OTOA: variants seen among roughly 807,000 people sequenced by gnomAD.
OTOA encodes the protein otoancorin, also known as cancer/testis antigen 108.
Under a neutral mutation model 110.8 loss-of-function variants are expected in OTOA, and 70 were observed. The observed-to-expected ratio is 0.63, with a 90% CI of 0.52 to 0.77. The LOEUF (loss-of-function observed/expected upper bound fraction) is 0.77, where lower values mean the gene tolerates loss of function less well. Ranked by LOEUF, OTOA falls within the 30% of genes least tolerant of loss-of-function variation. The pLI is 0.00. For synonymous variants in OTOA, 373 were observed against 431.5 expected (o/e 0.86, Z 1.68); for missense variants, 917 against 1,075.8 (o/e 0.85, Z 2.06).
At position 21,760,703 on chromosome 16, in the gene OTOA, A is replaced by C. The variant is rs533223700; in HGVS notation, c.*163A>C. On this transcript the variant is annotated 3_prime_UTR_variant, in exon 29 of 29. Coordinates refer to ENST00000646100, the MANE Select transcript of OTOA (RefSeq NM_144672.4). ...TGAAAATGCACCCCAAATGAAAAAT[A>C]ATTATTAAAAATGATCTTGCAAATT... 7 of 479,170 alleles carry C rather than the reference A, an allele frequency of 1.5e-5. No individual in the cohort carries two copies. In the South Asian group the frequency reaches 1.8e-4, roughly 12 times the overall value. 29.7% of individuals were successfully genotyped at this position (479,170 alleles called of 1,614,324 possible).
intron 15 of OTOA, 59 bp from the exon 16 acceptor site, chr16:21,719,072 TCA>T: frequency 6.6e-7 from 1 of 1,516,218 alleles, no homozygotes; most frequent in Non-Finnish European, 9.2e-7. Context: ...TGATAGGGCC[TCA>T]CAGTGTTGGG....
intron 6 of OTOA, among the ~76,000 whole-genome samples, chr16:21,682,508 C>T (rs1316840579): frequency 1.3e-5 from 2 of 152,190 alleles, no homozygotes; most frequent in Admixed American, 6.5e-5. Context: ...AAATGTACTA[C>T]TGTAATGAAA....
chr16:21,667,420 C>G (rs1401083804), intron 1 of OTOA, among the ~76,000 whole-genome samples: 1 of 151,892 alleles, frequency 6.6e-6, no homozygotes, highest in Admixed American at 6.6e-5. Flanking sequence ...TTTGGGAGGC[C>G]GAGGCGGGCA....
rs396781 is a variant in OTOA at position 21,675,063 on chromosome 16, G to T, written c.-4-3448G>T. On this transcript the variant is annotated intron_variant, in intron 1 of 28. Coordinates refer to ENST00000646100, the MANE Select transcript of OTOA (RefSeq NM_144672.4). ...GGTCATGAGGTCATGTTTTCTTTCTGTCTTTCTTTCTTTCTTTCTTTCTTT... is the reference window on the plus strand; with the variant it reads ...GGTCATGAGGTCATGTTTTCTTTCTTTCTTTCTTTCTTTCTTTCTTTCTTT... Among the ~76,000 whole-genome samples, 221 of 123,290 alleles carry T rather than the reference G, an allele frequency of 1.8e-3. 1 individual carries two copies. Among genetic ancestry groups the T allele is most frequent in the Middle Eastern group, 7.8e-3 (2 of 256 alleles). The allele number at this position is 123,290 out of a possible 152,430, so 80.9% of individuals were successfully genotyped here.
At chr16:21,736,443 G>A (rs1597856979) in intron 22 of OTOA, 53 bp downstream of exon 22, 2 of 1,611,940 alleles carry the variant, frequency 1.2e-6, no homozygotes, top group Non-Finnish European at 1.7e-6. Flanking sequence ...TTAATGTTTT[G>A]GGCAGGGTCC....
chr16:21,753,866 G>T (rs1899904082), intron 27 of OTOA, among the ~76,000 whole-genome samples: 1 of 131,004 alleles, frequency 7.6e-6, no homozygotes, highest in Admixed American at 7.9e-5. Context: ...TCTGAGACCA[G>T]CCTGGCCAAT....
intron 7 of OTOA, among the ~76,000 whole-genome samples, chr16:21,686,899 A>G (rs1278426844): frequency 6.6e-6 from 1 of 152,160 alleles, no homozygotes; most frequent in Non-Finnish European, 1.5e-5. Context: ...TCTCAAAAAT[A>G]AAATAAAACT....
At chr16:21,759,089 G>C (rs1567411676) in intron 28 of OTOA, among the ~76,000 whole-genome samples, 2 of 152,134 alleles carry the variant, frequency 1.3e-5, no homozygotes. Flanking sequence ...ATAGCGTTTT[G>C]CATGAATAGA....
At chr16:21,665,524 C>T (rs1966839184) in intron 1 of OTOA, among the ~76,000 whole-genome samples, 2 of 152,076 alleles carry the variant, frequency 1.3e-5, no homozygotes, top group African/African-American at 2.4e-5. Flanking sequence ...GCTGTGTGAT[C>T]GTTCATGTGC....
chr16:21,685,512 A>T, intron 7 of OTOA, 151 bp downstream of exon 7: 1 of 1,065,618 alleles, frequency 9.4e-7, no homozygotes, highest in Admixed American at 2.6e-5. Flanking sequence ...GGGCTTTAGG[A>T]CCTAAGTTTT....
At chr16:21,735,925 T>A (rs1039399724) in intron 21 of OTOA, among the ~76,000 whole-genome samples, 1 of 152,184 alleles carries the variant, frequency 6.6e-6, no homozygotes, top group African/African-American at 2.4e-5. Flanking sequence ...ATTACCAGAT[T>A]GCTCTGCTAA....
chr16:21,671,322 C>T (rs1220737677), intron 1 of OTOA, among the ~76,000 whole-genome samples: 1 of 151,958 alleles, frequency 6.6e-6, no homozygotes, highest in Non-Finnish European at 1.5e-5. Flanking sequence ...CTCAGTGGCT[C>T]ACACCTGTAA....
intron 17 of OTOA, chr16:21,721,333 T>C: frequency 2.2e-6 from 1 of 455,430 alleles, no homozygotes; most frequent in Middle Eastern, 3.5e-4. Context: ...AGAGCAGTTG[T>C]TCTCAACAGA....
intron 14 of OTOA, 102 bp downstream of exon 14, chr16:21,715,254 T>C: frequency 2.7e-6 from 4 of 1,495,796 alleles, no homozygotes; most frequent in Non-Finnish European, 3.7e-6. Context: ...AGGGCTGGGA[T>C]TGTCTCAGCT....
At chr16:21,669,630 TG>T (rs1378184783) in intron 1 of OTOA, among the ~76,000 whole-genome samples, 1 of 152,174 alleles carries the variant, frequency 6.6e-6, no homozygotes, top group Admixed American at 6.5e-5. Context: ...GTCTTTGACC[TG>T]TCTATTTCTT....
intron 15 of OTOA, among the ~76,000 whole-genome samples, chr16:21,718,007 G>A (rs1462203382): frequency 1.3e-5 from 2 of 151,828 alleles, no homozygotes; most frequent in Non-Finnish European, 2.9e-5. Context: ...CCCAGGCTGG[G>A]GTGCAGTGGC....
intron 13 of OTOA, among the ~76,000 whole-genome samples, chr16:21,714,271 CT>C: frequency 7.8e-6 from 1 of 128,314 alleles, no homozygotes; most frequent in Non-Finnish European, 1.7e-5. Flanking sequence ...TTCTTTCTTT[CT>C]TTCCTCCTTC....
chr16:21,710,101 A>C lies in OTOA; in HGVS notation c.1318A>C (p.Lys440Gln), dbSNP rs893825249. Reference sequence around the variant, plus strand: ...GTCTGCCAAATACTTGGCCCATGAGAAGGTCAGCTGGAGTTTTAAACTCTT... The same window carrying C: ...GTCTGCCAAATACTTGGCCCATGAGCAGGTCAGCTGGAGTTTTAAACTCTT... ...ILSAKYLAHE[K>Q]VLSFYNVSQM... The change falls in exon 13 of 29, where the codon AAG becomes CAG. Residue 440 changes from lysine to glutamine, a missense_variant and splice_region_variant. Transcript: ENST00000646100. 5.6e-6 allele frequency: 9 copies of C among 1,611,474 alleles called. No individual in the cohort carries two copies. In the Admixed American group the frequency reaches 8.4e-5, roughly 15 times the overall value.
intron 14 of OTOA, among the ~76,000 whole-genome samples, 193 bp from the exon 15 acceptor site, chr16:21,716,710 CACTT>C (rs1898564979): frequency 6.6e-6 from 1 of 152,014 alleles, no homozygotes; most frequent in African/African-American, 2.4e-5. Context: ...GCTTGAATGT[CACTT>C]ACTGACTTTC....
Sources: allele counts gnomAD v4.1 joint callset (sites outside exome capture counted in the v4.1 genomes callset), GRCh38; gene constraint gnomAD v4.1.1; transcripts MANE v1.5; gene names NCBI Gene and HGNC (gene_info 2026-07-23, HGNC 2026-07-21).